Variants in FAM135A observed in about 807,000 individuals in gnomAD.
FAM135A encodes family with sequence similarity 135 member A.
Under a neutral mutation model 146.8 loss-of-function variants are expected in FAM135A, and 79 were observed. The ratio of observed to expected loss-of-function variants is 0.54; its 90% CI spans 0.45 to 0.65. The LOEUF is 0.65. Ranked by LOEUF, FAM135A falls within the 30% of genes least tolerant of loss-of-function variation. FAM135A has a pLI of 0.00. For missense variants in FAM135A, 1,623 were observed against 1,758.2 expected (o/e 0.92, Z 1.38); for synonymous variants, 562 against 603.6 (o/e 0.93, Z 1.01).
intron 5 of FAM135A, among the ~76,000 whole-genome samples, chr6:70,464,421 C>G (rs1779976911): frequency 6.6e-6 from 1 of 152,114 alleles, no homozygotes; most frequent in South Asian, 2.1e-4. Context: ...CCTAAGTGCT[C>G]AGTCCTAAAT....
At chr6:70,461,162 AT>A (rs1482684124) in intron 5 of FAM135A, among the ~76,000 whole-genome samples, 1 of 152,144 alleles carries the variant, frequency 6.6e-6, no homozygotes, top group African/African-American at 2.4e-5. Context: ...GAAACTGTTA[AT>A]TCAGAGATGC....
chr6:70,533,342 A>G, intron 17 of FAM135A, 91 bp downstream of exon 17: 1 of 789,338 alleles, frequency 1.3e-6, no homozygotes, highest in Non-Finnish European at 2.0e-6. Flanking sequence ...CTGTAATAGT[A>G]GAAATAATTT....
At chr6:70,495,800 CT>C (rs544627298) in intron 11 of FAM135A, among the ~76,000 whole-genome samples, 1 of 152,082 alleles carries the variant, frequency 6.6e-6, no homozygotes, top group Non-Finnish European at 1.5e-5. Flanking sequence ...CCCTCACCCC[CT>C]GACAGGCCCT....
chr6:70,526,145 C>T lies in FAM135A; in HGVS notation c.3061C>T (p.Leu1021=), dbSNP rs200932918. 15 of 1,613,438 alleles carry T rather than the reference C, an allele frequency of 9.3e-6. No homozygotes were observed. The African/African-American group carries it at 1.3e-4, about 14-fold the overall frequency. Residue 1021 remains leucine (L), a synonymous_variant, in exon 15 of 22, where the codon CTG becomes TTG. Transcript: ENST00000418814. ...EIPTVESETH[L]GTSDPFSAST... is the part of the protein sequence containing the mutation. The stretch of plus-strand genomic sequence containing the variant: ...CCCTACAGTTGAAAGTGAAACTCAT[C>T]TGGGTACAAGTGATCCTTTTTCAGC...
At chr6:70,504,764 G>C (rs1286699959) in intron 12 of FAM135A, 14 of 152,160 alleles carry the variant, frequency 9.2e-5, no homozygotes, top group Admixed American at 9.2e-4. Flanking sequence ...CCTGAGGTCA[G>C]GAGTTCAAGA....
chr6:70,534,210 T>A (rs539379871), intron 18 of FAM135A, among the ~76,000 whole-genome samples: 11 of 151,694 alleles, frequency 7.3e-5, no homozygotes, highest in African/African-American at 2.7e-4. Flanking sequence ...TTGTACACTT[T>A]AAGTGGAAGA....
chr6:70,436,564 G>A (rs941085035), intron 4 of FAM135A, among the ~76,000 whole-genome samples: 2 of 152,074 alleles, frequency 1.3e-5, no homozygotes, highest in African/African-American at 4.8e-5. Flanking sequence ...GATTTAAGGG[G>A]CTAGTAAGTT....
At chr6:70,547,123 A>G (rs1798994605) in intron 20 of FAM135A, among the ~76,000 whole-genome samples, 1 of 152,108 alleles carries the variant, frequency 6.6e-6, no homozygotes, top group South Asian at 2.1e-4. Context: ...TCTTTTTACC[A>G]GCTGTTGAAT....
intron 4 of FAM135A, among the ~76,000 whole-genome samples, chr6:70,438,850 A>G (rs1773818735): frequency 1.3e-5 from 2 of 152,176 alleles, no homozygotes; most frequent in Non-Finnish European, 2.9e-5. Context: ...ACAGTGCATG[A>G]TAAGTGCTTA....
intron 4 of FAM135A, among the ~76,000 whole-genome samples, chr6:70,428,833 ATTATTAACT>A (rs1000637345): frequency 4.8e-4 from 73 of 152,352 alleles, no homozygotes; most frequent in African/African-American, 1.8e-3. Context: ...ATCATTTTTA[ATTATTAACT>A]ATTACACTGT....
chr6:70,438,031 T>G (rs563193677), intron 4 of FAM135A, among the ~76,000 whole-genome samples: 2 of 152,266 alleles, frequency 1.3e-5, no homozygotes, highest in South Asian at 4.1e-4. Flanking sequence ...AATGAGAGAT[T>G]ATATGTGGTT....
intron 18 of FAM135A, among the ~76,000 whole-genome samples, chr6:70,534,779 A>G (rs1279747808): frequency 6.6e-6 from 1 of 152,234 alleles, no homozygotes; most frequent in African/African-American, 2.4e-5. Flanking sequence ...TCATATCCCA[A>G]CTAGGTTAGA....
chr6:70,520,118 C>CA (rs1793234661), intron 12 of FAM135A, among the ~76,000 whole-genome samples: 1 of 151,860 alleles, frequency 6.6e-6, no homozygotes, highest in Non-Finnish European at 1.5e-5. Context: ...ACGTTCTCAT[C>CA]ATTTCTTGTA....
At chr6:70,427,806 C>T (rs1327857277) in intron 3 of FAM135A, among the ~76,000 whole-genome samples, 1 of 152,126 alleles carries the variant, frequency 6.6e-6, no homozygotes, top group Non-Finnish European at 1.5e-5. Context: ...GAAAAAATCT[C>T]TTTCTCTTTA....
chr6:70,475,540 T>C lies in FAM135A; in HGVS notation c.288T>C (p.Asp96=). 3.1e-6 allele frequency: 5 copies of C among 1,592,602 alleles called. No individual in the cohort carries two copies. Among genetic ancestry groups the C allele is most frequent in the Non-Finnish European group, 4.3e-6 (5 of 1,169,368 alleles). Residue 96 remains aspartate, a synonymous_variant, in exon 6 of 22, where the codon GAT becomes GAC. Coordinates refer to ENST00000418814, the MANE Select transcript of FAM135A (RefSeq NM_001162529.3). The part of the protein sequence containing the change: ...VMIFKVKMLL[D]ERKIEETLEE... ...TCTTCAAAGTAAAAATGCTATTGGA[T>C]GAAAGAAAGGTAAACATCTCTTCAT...
chr6:70,458,124 T>C (rs1488500388), intron 5 of FAM135A, among the ~76,000 whole-genome samples: 2 of 136,966 alleles, frequency 1.5e-5, no homozygotes, highest in Non-Finnish European at 3.1e-5. Context: ...TATGTGAAAA[T>C]ATTATCTGTG....
chr6:70,526,956 A>T (rs906558754), intron 15 of FAM135A, among the ~76,000 whole-genome samples: 5 of 151,990 alleles, frequency 3.3e-5, no homozygotes, highest in African/African-American at 9.7e-5. Context: ...TTGCTGAATG[A>T]TCGTGCTGTT....
intron 20 of FAM135A, among the ~76,000 whole-genome samples, chr6:70,550,570 A>C (rs188086782): frequency 1.4e-4 from 22 of 152,332 alleles, no homozygotes; most frequent in Admixed American, 1.3e-3. Context: ...TAAAATATTC[A>C]GTAACCCATG....
intron 20 of FAM135A, among the ~76,000 whole-genome samples, chr6:70,543,330 A>G (rs1285623141): frequency 2.0e-5 from 3 of 152,126 alleles, no homozygotes; most frequent in Non-Finnish European, 4.4e-5. Context: ...TTTGATATTA[A>G]TAGATTTAGT....
Sources: allele counts gnomAD v4.1 joint callset (sites outside exome capture counted in the v4.1 genomes callset), GRCh38; gene constraint gnomAD v4.1.1; transcripts MANE v1.5; gene names NCBI Gene and HGNC (gene_info 2026-07-23, HGNC 2026-07-21).